The following RIMS1 variants were observed in gnomAD, a reference collection of about 807,000 sequenced individuals.
The protein encoded by RIMS1 is regulating synaptic membrane exocytosis 1, also known as regulating synaptic membrane exocytosis protein 1.
Under a neutral mutation model 214.1 loss-of-function variants are expected in RIMS1, and 83 were observed. That is an observed-to-expected ratio of 0.39 (90% CI 0.32 to 0.47). The LOEUF is 0.47. Ranked by LOEUF, RIMS1 falls within the 20% of genes least tolerant of loss-of-function variation. The probability of loss-of-function intolerance (pLI) is 0.99; values close to 1 mark genes in which losing one functional copy is unlikely to be tolerated. For missense variants in RIMS1, 2,050 were observed against 2,161.8 expected, an observed-to-expected ratio of 0.95 and a Z score of 1.03; for synonymous variants, 793 against 786.8, an observed-to-expected ratio of 1.01 and a Z score of -0.13.
chr6:72,055,919 C>T (rs1269780221), intron 2 of RIMS1, among the ~76,000 whole-genome samples: 1 of 152,090 alleles, frequency 6.6e-6, no homozygotes, highest in African/African-American at 2.4e-5. Context: ...TGAGTATACG[C>T]CCAAAGGAAT....
chr6:71,947,031 T>C (rs1788046535), intron 1 of RIMS1, among the ~76,000 whole-genome samples: 1 of 152,070 alleles, frequency 6.6e-6, no homozygotes, highest in African/African-American at 2.4e-5. Context: ...ATCGGATATG[T>C]GAAAAAGTGC....
intron 2 of RIMS1, among the ~76,000 whole-genome samples, chr6:72,049,843 A>C (rs1249738320): frequency 6.6e-6 from 1 of 151,732 alleles, no homozygotes; most frequent in Non-Finnish European, 1.5e-5. Context: ...AGTTTTTTTC[A>C]GAAAAAGCAC....
chr6:72,343,198 A>G (rs1362560292), intron 29 of RIMS1, among the ~76,000 whole-genome samples: 1 of 151,780 alleles, frequency 6.6e-6, no homozygotes, highest in Non-Finnish European at 1.5e-5. Flanking sequence ...GTGCATCTCC[A>G]GTGTCCTTGC....
In RIMS1 at chr6:72,182,789, G is replaced by T; in HGVS notation, c.1318G>T (p.Gly440Cys). The T allele has an allele frequency of 6.5e-7, 1 of 1,546,456 alleles. No individual in the cohort carries two copies. Among genetic ancestry groups the T allele is most frequent in the Non-Finnish European group, 8.7e-7 (1 of 1,149,998 alleles). Residue 440 changes from glycine (G) to cysteine (C), a missense_variant, in exon 6 of 34, where the codon GGC becomes TGC. Around this residue, in one of 6 missense-constraint regions of RIMS1, gnomAD observed 882 missense variants for 828.9 expected, o/e 1.06. Transcript: ENST00000521978. ...AERTAETRAP[G>C]AKQLTNHSPP... ...GAGAACTGCGGAGACCAGGGCGCCG[G>T]GCGCCAAGCAGCTAACGAACCACAG...
At chr6:71,916,095 A>G (rs1778331028) in intron 1 of RIMS1, among the ~76,000 whole-genome samples, 1 of 152,154 alleles carries the variant, frequency 6.6e-6, no homozygotes, top group South Asian at 2.1e-4. Flanking sequence ...GCCAAACCAT[A>G]TCAGCACTCT....
Position 71,886,733 on chromosome 6 carries a change from C to T in RIMS1, c.-291C>T, listed in dbSNP as rs1193240362. The T allele has an allele frequency of 4.8e-6, 1 of 209,352 alleles. No individual in the cohort carries two copies. Among genetic ancestry groups the T allele is most frequent in the African/African-American group, 2.3e-5 (1 of 43,188 alleles). The allele number at this position is 209,352 out of a possible 1,614,324, so 13.0% of individuals were successfully genotyped here. A position where few individuals can be genotyped will look rare whatever the true frequency, so the allele number is the denominator to read the frequency against. ...CCGCCGCGCCTCCGCCTGCCCGCCC[C>T]CGCCGGCCGAGGCTGGGCTGCGGGA... is the stretch of plus-strand genomic sequence containing the variant. On this transcript the variant is annotated 5_prime_UTR_variant, in exon 1 of 34. Coordinates refer to ENST00000521978, the MANE Select transcript of RIMS1 (RefSeq NM_014989.7).
chr6:71,953,844 G>A (rs1045981428), intron 1 of RIMS1, among the ~76,000 whole-genome samples: 1 of 152,170 alleles, frequency 6.6e-6, no homozygotes, highest in Non-Finnish European at 1.5e-5. Context: ...CTCTAATAAG[G>A]ATGCGAGAAT....
At chr6:72,149,647 A>G (rs78158754) in intron 4 of RIMS1, among the ~76,000 whole-genome samples, 4,936 of 152,284 alleles carry the variant, frequency 0.032, 276 homozygotes, top group African/African-American at 0.11. Context: ...AAGTCTGAGG[A>G]CAAAAAGTCT....
chr6:72,400,656 G>C lies in RIMS1; in HGVS notation c.5021G>C (p.Arg1674Pro). The C allele has an allele frequency of 6.2e-7, 1 of 1,613,802 alleles. No individual in the cohort carries two copies. The highest frequency in any genetic ancestry group is 8.5e-7 in the Non-Finnish European group (1 of 1,179,824). Residue 1674 changes from arginine to proline, a missense_variant, in exon 34 of 34, where the codon CGG (arginine) becomes CCG (proline). By Grantham distance (103) the Arg-to-Pro change is moderately radical. Coordinates refer to ENST00000521978, the MANE Select transcript of RIMS1 (RefSeq NM_014989.7). ...GATCCCACACTCACTCCCCTCACCC[G>C]GCGGGCTTCCCAGTCATCTCTGGAA... ...LVDPTLTPLT[R>P]RASQSSLESS...
chr6:71,989,866 C>T (rs534056800), intron 2 of RIMS1, among the ~76,000 whole-genome samples: 49 of 152,234 alleles, frequency 3.2e-4, no homozygotes, highest in African/African-American at 1.1e-3. Flanking sequence ...AAGCCTGCTC[C>T]TCCAACCCCA....
intron 8 of RIMS1, 133 bp from the exon 9 acceptor site, chr6:72,237,690 A>AT: frequency 3.0e-6 from 2 of 657,478 alleles, no homozygotes; most frequent in Admixed American, 2.8e-5. Flanking sequence ...AAAAAAAAAA[A>AT]GTGCTTCACT....
chr6:72,378,810 G>T (rs2098437863), intron 29 of RIMS1, among the ~76,000 whole-genome samples: 1 of 152,162 alleles, frequency 6.6e-6, no homozygotes, highest in South Asian at 2.1e-4. Context: ...CTTCACTCCA[G>T]CCTGGGCGAC....
At chr6:72,044,095 G>T (rs967100707) in intron 2 of RIMS1, among the ~76,000 whole-genome samples, 3 of 151,590 alleles carry the variant, frequency 2.0e-5, no homozygotes, top group South Asian at 4.2e-4. Flanking sequence ...AAATAAATAG[G>T]TTTTTTAATT....
intron 9 of RIMS1, 32 bp from the exon 10 acceptor site, chr6:72,242,282 G>T: frequency 6.8e-7 from 1 of 1,477,280 alleles, no homozygotes; most frequent in South Asian, 1.3e-5. Context: ...GAATATATAA[G>T]GTAAAAAAAT....
In RIMS1 at chr6:72,190,067, C is replaced by T. The variant is rs562400378; in HGVS notation, c.1678+6918C>T. On this transcript the variant is annotated intron_variant, in intron 6 of 33. Coordinates refer to ENST00000521978, the MANE Select transcript of RIMS1 (RefSeq NM_014989.7). The stretch of plus-strand genomic sequence containing the variant: ...AATCAGTATGTAATCACACATCTGG[C>T]CATTTCTCCTTCATGCAAAGTGTAC... 4.2e-4 allele frequency among the ~76,000 whole-genome samples: 64 copies of T among 152,308 alleles called. No individual in the cohort carries two copies. In the South Asian group the frequency reaches 0.01, roughly 24 times the overall value.
intron 6 of RIMS1, among the ~76,000 whole-genome samples, chr6:72,190,772 T>A (rs1308979487): frequency 2.6e-5 from 4 of 152,154 alleles, no homozygotes; most frequent in Non-Finnish European, 5.9e-5. Flanking sequence ...TTCCATTTGA[T>A]GATGGAATGC....
rs566024691 is a variant in RIMS1 at position 72,163,860 on chromosome 6, T to A, written c.472-15715T>A. ...GTCAGGGACCCACTTGAGGATGCAG[T>A]CTGTCCGTTCTCAGATCTCCAGCTG... On this transcript the variant is annotated intron_variant, in intron 4 of 33. Coordinates refer to ENST00000521978, the MANE Select transcript of RIMS1 (RefSeq NM_014989.7). Among the ~76,000 whole-genome samples, 3 of 152,146 alleles carry A rather than the reference T, an allele frequency of 2.0e-5. No individual in the cohort carries two copies. In the East Asian group the frequency reaches 5.8e-4, roughly 29 times the overall value.
chr6:71,967,146 TGGGA>T (rs1794674017), intron 1 of RIMS1, among the ~76,000 whole-genome samples: 1 of 152,138 alleles, frequency 6.6e-6, no homozygotes, highest in Non-Finnish European at 1.5e-5. Flanking sequence ...CCCAGCACTT[TGGGA>T]GGCCAAGGCG....
intron 6 of RIMS1, among the ~76,000 whole-genome samples, chr6:72,191,502 C>T (rs1403694586): frequency 6.6e-6 from 1 of 152,172 alleles, no homozygotes; most frequent in Non-Finnish European, 1.5e-5. Flanking sequence ...ATGTAATGGA[C>T]CAGTGTGATA....
Sources: gnomAD v4.1 joint callset for allele counts (sites outside exome capture counted in the v4.1 genomes callset) on GRCh38, gnomAD v4.1.1 for gene constraint, gnomAD v4.1.1 regional missense constraint, MANE v1.5 for transcripts, NCBI Gene and HGNC (gene_info 2026-07-23, HGNC 2026-07-21) for gene names.